Variants in PSD4 observed in about 807,000 individuals in gnomAD.
PSD4 encodes the protein pleckstrin and Sec7 domain containing 4.
Under a neutral mutation model 112.5 loss-of-function variants are expected in PSD4, and 59 were observed. The observed-to-expected ratio is 0.52, with a 90% CI of 0.43 to 0.65. The LOEUF is 0.65. Ranked by LOEUF, PSD4 falls within the 30% of genes least tolerant of loss-of-function variation. The pLI, the probability that PSD4 is intolerant of heterozygous loss-of-function variation, is 0.00. For missense variants in PSD4, 1,267 were observed against 1,352.6 expected (o/e 0.94, Z 0.99); for synonymous variants, 533 against 540.0 (o/e 0.99, Z 0.18).
At chr2:113,196,612 A>G in intron 12 of PSD4, 1 of 298,046 alleles carries the variant, frequency 3.4e-6, no homozygotes, top group East Asian at 5.8e-5. Context: ...GCAAGAGCTG[A>G]GTGTCTAGGG....
At position 113,197,740 on chromosome 2, in the gene PSD4, C is replaced by T. The variant is rs754107338; in HGVS notation, c.2458-7C>T. 2 of 1,607,116 alleles carry T rather than the reference C, an allele frequency of 1.2e-6. No individual in the cohort carries two copies. Among genetic ancestry groups the T allele is most frequent in the Non-Finnish European group, 1.7e-6 (2 of 1,174,386 alleles). ...TAACCTCTTCTCTGAGCCCCTGTGA[C>T]TGGTAGCAGGGAGAAGACCACTGTC... is the stretch of plus-strand genomic sequence containing the variant. On this transcript the variant is annotated splice_region_variant and splice_polypyrimidine_tract_variant and intron_variant, in intron 13 of 16. Transcript: ENST00000245796.
chr2:113,177,294 T>C (rs1451430156), intron 1 of PSD4, among the ~76,000 whole-genome samples: 2 of 152,224 alleles, frequency 1.3e-5, no homozygotes, highest in South Asian at 4.1e-4. Context: ...GTCTTCCCCG[T>C]CTTCTGGCCT....
Position 113,183,493 on chromosome 2 carries a change from C to A in PSD4, c.1037C>A (p.Pro346His), listed in dbSNP as rs371939523. 6.3e-7 allele frequency: 1 copy of A among 1,584,552 alleles called. No homozygotes were observed. The highest frequency in any genetic ancestry group is 8.6e-7 in the Non-Finnish European group (1 of 1,167,076). ...AAAEGAPAAP[P>H]GHGESEGDRL... The stretch of plus-strand genomic sequence containing the variant: ...GCTGAGGGGGCTCCTGCAGCACCTC[C>A]TGGTCACGGGGAGAGTGAGGTAAGC... The change falls in exon 2 of 17, where the codon CCT becomes CAT. Residue 346 changes from proline to histidine, a missense_variant. Transcript: ENST00000245796.
At position 113,205,763 on chromosome 2, in the gene PSD4, G is replaced by GA. The variant is rs1464288815; in HGVS notation, c.*4355dup. 6.6e-6 allele frequency: 1 copy of GA among 152,036 alleles called. No homozygotes were observed. Among genetic ancestry groups the GA allele is most frequent in the Admixed American group, 6.5e-5 (1 of 15,274 alleles). 9.4% of individuals were successfully genotyped at this position (152,036 alleles called of 1,614,324 possible). A position where few individuals can be genotyped will look rare whatever the true frequency, so the allele number is the denominator to read the frequency against. ...AATTATTTCAAAATAAATACAAAAA[G>GA]AAAAAAAGGCAATATCCCAGAACCT... On this transcript the variant is annotated 3_prime_UTR_variant, in exon 17 of 17. Transcript: ENST00000245796.
rs1156296152 is a variant in PSD4, at chr2:113,206,249, A to T, written c.*4834A>T. ...CTGCTTTCTGTGATGAATTCACGGTATGTGTGGGCTTTGCCAACTGTTCCC... is the reference window on the plus strand; with the variant it reads ...CTGCTTTCTGTGATGAATTCACGGTTTGTGTGGGCTTTGCCAACTGTTCCC... On this transcript the variant is annotated 3_prime_UTR_variant, in exon 17 of 17. Coordinates refer to ENST00000245796, the MANE Select transcript of PSD4 (RefSeq NM_012455.3). The T allele has an allele frequency of 1.3e-5, 2 of 152,274 alleles. No individual in the cohort carries two copies. Among genetic ancestry groups the T allele is most frequent in the Non-Finnish European group, 1.5e-5 (1 of 68,052 alleles). The allele number at this position is 152,274 out of a possible 1,614,324, so 9.4% of individuals were successfully genotyped here.
In PSD4 at chr2:113,203,340, A is replaced by AT. The variant is rs1351265769; in HGVS notation, c.*1927dup. ...TCCCAGCCCACACCCAGGGATGCTG[A>AT]TTCAGTCAGCCTGGGTCAGAGGGAT... On this transcript the variant is annotated 3_prime_UTR_variant, in exon 17 of 17. Transcript: ENST00000245796. The AT allele has an allele frequency of 2.6e-5, 4 of 152,164 alleles. No homozygotes were observed. The highest frequency in any genetic ancestry group is 2.6e-4 in the Admixed American group (4 of 15,260). The allele number at this position is 152,164 out of a possible 1,614,324, so 9.4% of individuals were successfully genotyped here.
chr2:113,198,537 C>A, intron 14 of PSD4: 1 of 523,184 alleles, frequency 1.9e-6, no homozygotes, highest in Non-Finnish European at 3.2e-6. Context: ...GTTGCCACCG[C>A]ACCGGGCCTC....
intron 1 of PSD4, among the ~76,000 whole-genome samples, chr2:113,179,016 T>G (rs1412878069): frequency 6.6e-6 from 1 of 152,122 alleles, no homozygotes; most frequent in Admixed American, 6.5e-5. Context: ...AATAAACATG[T>G]CTTCCTAGTC....
rs1688864005 is a variant in PSD4 at position 113,206,376 on chromosome 2, T to C, written c.*4961T>C. 1 of 152,300 alleles carries C rather than the reference T, an allele frequency of 6.6e-6. No individual in the cohort carries two copies. Among genetic ancestry groups the C allele is most frequent in the African/African-American group, 2.4e-5 (1 of 41,484 alleles). 9.4% of individuals were successfully genotyped at this position (152,300 alleles called of 1,614,324 possible). ...AAATGGCACCTCCTAGGGCAATTGA[T>C]GGCTGCAGTCATCAACTCTGATGCC... On this transcript the variant is annotated 3_prime_UTR_variant, in exon 17 of 17. Transcript: ENST00000245796.
At chr2:113,199,007 G>A (rs1311972187) in intron 15 of PSD4, 76 bp from the exon 16 acceptor site, 6 of 1,512,222 alleles carry the variant, frequency 4.0e-6, no homozygotes, top group African/African-American at 1.4e-5. Flanking sequence ...GGCGGCCAGG[G>A]GGGCGGCGCG....
intron 1 of PSD4, among the ~76,000 whole-genome samples, chr2:113,175,559 G>A (rs1687952357): frequency 6.6e-6 from 1 of 152,160 alleles, no homozygotes; most frequent in Non-Finnish European, 1.5e-5. Context: ...CAGCTTCTCG[G>A]GCTGCAGAGG....
chr2:113,174,870 C>A (rs1013094316), intron 1 of PSD4, among the ~76,000 whole-genome samples: 1 of 152,208 alleles, frequency 6.6e-6, no homozygotes, highest in Non-Finnish European at 1.5e-5. Context: ...GTTGAAGTCA[C>A]TCCTCTGCTA....
chr2:113,185,692 G>T (rs1187385646), intron 4 of PSD4, 185 bp from the exon 5 acceptor site: 1 of 1,548,504 alleles, frequency 6.5e-7, no homozygotes, highest in East Asian at 2.4e-5. Flanking sequence ...TTGCCTGGAG[G>T]CTTGAGTCCT....
chr2:113,193,214 C>T (rs750406890), intron 7 of PSD4, 44 bp from the exon 8 acceptor site: 1 of 1,594,136 alleles, frequency 6.3e-7, no homozygotes, highest in Admixed American at 1.7e-5. Context: ...CTGATTGGCC[C>T]TAAGCTCCCG....
intron 10 of PSD4, among the ~76,000 whole-genome samples, chr2:113,194,531 A>G (rs1462065701): frequency 6.6e-6 from 1 of 152,248 alleles, no homozygotes; most frequent in Non-Finnish European, 1.5e-5. Flanking sequence ...GTGTGTTCTG[A>G]GAAATGCATC....
chr2:113,191,664 C>A (rs1446404383), intron 5 of PSD4, among the ~76,000 whole-genome samples: 2 of 152,204 alleles, frequency 1.3e-5, no homozygotes, highest in African/African-American at 2.4e-5. Context: ...AACTGGAATA[C>A]CCCACACTTG....
chr2:113,185,234 A>G (rs1218948368), intron 3 of PSD4, 131 bp from the exon 4 acceptor site: 1 of 1,539,776 alleles, frequency 6.5e-7, no homozygotes, highest in African/African-American at 1.4e-5. Context: ...TGGGAGGAGG[A>G]TGGAGGGGCT....
intron 12 of PSD4, chr2:113,196,523 C>T (rs972490980): frequency 1.9e-6 from 1 of 525,524 alleles, no homozygotes; most frequent in East Asian, 3.0e-5. Context: ...CAAAACAGGC[C>T]TAGTTATTCC....
intron 2 of PSD4, among the ~76,000 whole-genome samples, chr2:113,183,825 A>G (rs931059286): frequency 2.6e-5 from 4 of 152,316 alleles, no homozygotes; most frequent in African/African-American, 9.6e-5. Context: ...CTCCAATTGC[A>G]GCATGTTCCA....
Sources: gnomAD v4.1 joint callset for allele counts (sites outside exome capture counted in the v4.1 genomes callset) on GRCh38, gnomAD v4.1.1 for gene constraint, MANE v1.5 for transcripts, NCBI Gene and HGNC (gene_info 2026-07-23, HGNC 2026-07-21) for gene names.